Variants in RPA1 observed in about 807,000 individuals in gnomAD.
RPA1 encodes replication protein A1, also known as replication protein A 70 kDa DNA-binding subunit.
Under a neutral mutation model 83.0 loss-of-function variants are expected in RPA1, and 49 were observed. The ratio of observed to expected loss-of-function variants is 0.59; its 90% CI spans 0.47 to 0.75. The LOEUF (loss-of-function observed/expected upper bound fraction) is 0.75. Among genes scored for constraint, RPA1 ranks in the 30% least tolerant of loss-of-function variants. The probability of loss-of-function intolerance (pLI) is 0.00; values close to 1 mark genes in which losing one functional copy is unlikely to be tolerated. For synonymous variants in RPA1, 279 were observed against 281.8 expected, an observed-to-expected ratio of 0.99 and a Z score of 0.10; for missense variants, 693 against 776.1, an observed-to-expected ratio of 0.89 and a Z score of 1.27.
chr17:1,858,652 A>G (rs892316536), intron 5 of RPA1, among the ~76,000 whole-genome samples: 25 of 150,658 alleles, frequency 1.7e-4, no homozygotes, highest in Non-Finnish European at 1.9e-4. Flanking sequence ...TTTAGTAGAG[A>G]CGCGGTTTTG....
intron 14 of RPA1, among the ~76,000 whole-genome samples, chr17:1,889,529 C>T (rs11078705): frequency 0.33 from 49,991 of 151,754 alleles, 10,591 homozygotes; most frequent in Non-Finnish European, 0.49. Context: ...ATTGTAGAGA[C>T]AGGGTCTCGC....
In RPA1 at chr17:1,830,033, G is replaced by C. The variant is rs1040129603; in HGVS notation, c.-61G>C. The stretch of plus-strand genomic sequence containing the variant: ...GGGCCAATAACTGCGCAGCGCGCGG[G>C]ACCCGGGTGGGGAAGCTGGAGCTGT... On this transcript the variant is annotated 5_prime_UTR_variant, in exon 1 of 17. Coordinates refer to ENST00000254719, the MANE Select transcript of RPA1 (RefSeq NM_002945.5). 1.1e-5 allele frequency: 14 copies of C among 1,244,324 alleles called. No homozygotes were observed. Among genetic ancestry groups the C allele is most frequent in the African/African-American group, 1.6e-5 (1 of 64,422 alleles). The allele number at this position is 1,244,324 out of a possible 1,614,324, so 77.1% of individuals were successfully genotyped here.
At chr17:1,858,156 C>G (rs1158492676) in intron 5 of RPA1, 2 of 1,613,956 alleles carry the variant, frequency 1.2e-6, no homozygotes, top group East Asian at 4.5e-5. Flanking sequence ...AGTGTCGGAT[C>G]CCATTCCAGG....
chr17:1,830,208 C>A, intron 1 of RPA1, 82 bp downstream of exon 1: 1 of 1,109,792 alleles, frequency 9.0e-7, no homozygotes, highest in Non-Finnish European at 1.1e-6. Flanking sequence ...GGGAGGGGAG[C>A]CCGGGGCGAC....
At chr17:1,857,096 T>C (rs1395820545) in intron 5 of RPA1, among the ~76,000 whole-genome samples, 1 of 152,114 alleles carries the variant, frequency 6.6e-6, no homozygotes, top group East Asian at 1.9e-4. Flanking sequence ...AATCTGCCCT[T>C]AGCTACTGCT....
intron 12 of RPA1, among the ~76,000 whole-genome samples, chr17:1,882,675 A>G (rs768264759): frequency 6.6e-6 from 1 of 152,158 alleles, no homozygotes; most frequent in Non-Finnish European, 1.5e-5. Context: ...AAAACAAAAA[A>G]ACCACTTTTG....
chr17:1,855,350 TG>T (rs1567809418), intron 5 of RPA1, among the ~76,000 whole-genome samples: 86 of 148,810 alleles, frequency 5.8e-4, no homozygotes, highest in Non-Finnish European at 4.9e-4. Flanking sequence ...TGTGTGTGTG[TG>T]TGTGTGTGTG....
intron 5 of RPA1, chr17:1,858,231 C>G: frequency 6.2e-7 from 1 of 1,613,734 alleles, no homozygotes; most frequent in Non-Finnish European, 8.5e-7. Flanking sequence ...GCCCCAGACA[C>G]AGGGACTTCA....
intron 1 of RPA1, among the ~76,000 whole-genome samples, chr17:1,831,243 G>A (rs1911560631): frequency 6.6e-6 from 1 of 152,070 alleles, no homozygotes; most frequent in South Asian, 2.1e-4. Context: ...TTCTAAGTCT[G>A]GGCCTCTTGA....
chr17:1,851,823 T>C (rs766742553), intron 4 of RPA1, among the ~76,000 whole-genome samples: 1 of 129,064 alleles, frequency 7.7e-6, no homozygotes, highest in Non-Finnish European at 2.0e-5. Flanking sequence ...GCTTATCTTA[T>C]TGAAACTCTG....
rs927538012 is a variant in RPA1, at chr17:1,888,621, C to G, written c.1375-54C>G. ...GCAGGCTTTGAGCTGCCTCTCGGTC[C>G]GATCCTGGGCGGGCTCGCGACTCCG... On this transcript the variant is annotated intron_variant, in intron 13 of 16. Coordinates refer to ENST00000254719, the MANE Select transcript of RPA1 (RefSeq NM_002945.5). 3.9e-6 allele frequency: 6 copies of G among 1,555,326 alleles called. No homozygotes were observed. In the African/African-American group the frequency reaches 5.4e-5, roughly 14 times the overall value.
intron 15 of RPA1, among the ~76,000 whole-genome samples, chr17:1,893,789 A>G (rs917287851): frequency 3.3e-5 from 5 of 152,100 alleles, no homozygotes; most frequent in Admixed American, 1.3e-4. Flanking sequence ...CTGCTTGCAC[A>G]CCAAATCAGT....
chr17:1,839,010 C>A (rs1013464031), intron 1 of RPA1, among the ~76,000 whole-genome samples: 1 of 151,968 alleles, frequency 6.6e-6, no homozygotes, highest in Non-Finnish European at 1.5e-5. Flanking sequence ...GCCACCATGC[C>A]CGGCTAATTT....
intron 14 of RPA1, among the ~76,000 whole-genome samples, chr17:1,890,690 T>C (rs1349762996): frequency 6.6e-6 from 1 of 152,104 alleles, no homozygotes; most frequent in Non-Finnish European, 1.5e-5. Context: ...AATTAATAAA[T>C]GATAAATAAA....
chr17:1,886,192 T>A (rs1913985984), intron 13 of RPA1, among the ~76,000 whole-genome samples: 1 of 151,992 alleles, frequency 6.6e-6, no homozygotes, highest in Admixed American at 6.6e-5. Flanking sequence ...AGCAGTCATA[T>A]TTTTAAAGGA....
chr17:1,866,142 T>C (rs1913165892), intron 5 of RPA1, among the ~76,000 whole-genome samples: 1 of 151,936 alleles, frequency 6.6e-6, no homozygotes, highest in African/African-American at 2.4e-5. Flanking sequence ...CCCGGGAGGC[T>C]GAGGTGAGAG....
chr17:1,889,662 G>A (rs1249454848), intron 14 of RPA1, among the ~76,000 whole-genome samples: 1 of 151,934 alleles, frequency 6.6e-6, no homozygotes, highest in Admixed American at 6.6e-5. Flanking sequence ...ATTTTGTTTT[G>A]TTTTGTTTTC....
intron 16 of RPA1, 55 bp from the exon 17 acceptor site, chr17:1,896,996 CCACTGAAGCAAAAGGGGTTT>C: frequency 7.8e-7 from 1 of 1,277,040 alleles, no homozygotes; most frequent in Non-Finnish European, 1.1e-6. Context: ...CTCACTGAAA[CCACTGAAGCAAAAGGGGTTT>C]CACTGCTCCA....
chr17:1,844,681 C>T lies in RPA1; in HGVS notation c.267C>T (p.Asp89=), dbSNP rs369379499. The T allele has an allele frequency of 2.0e-4, 315 of 1,609,866 alleles. No individual in the cohort carries two copies. The highest frequency in any genetic ancestry group is 2.3e-4 in the African/African-American group (17 of 74,822). The change falls in exon 4 of 17, where the codon GAC becomes GAT. Residue 89 remains aspartate, a synonymous_variant. Transcript: ENST00000254719. ...IHRFIVNTLK[D]GRRVVILMEL... is the part of the protein sequence containing the mutation. ...GATTTATTGTGAACACTCTGAAAGA[C>T]GGAAGGTATGTGCTGTGTTTTTTTC... is the stretch of plus-strand genomic sequence containing the variant.
Sources: allele counts gnomAD v4.1 joint callset (sites outside exome capture counted in the v4.1 genomes callset), GRCh38; gene constraint gnomAD v4.1.1; transcripts MANE v1.5; gene names NCBI Gene and HGNC (gene_info 2026-07-23, HGNC 2026-07-21).